The following ENTREP2 variants were observed in gnomAD, a reference collection of about 807,000 sequenced individuals.
ENTREP2 encodes the protein protein ENTREP2.
the ENTREP2 span, among the ~76,000 whole-genome samples, chr15:29,172,407 A>G: frequency 1.3e-5 from 2 of 152,196 alleles, no homozygotes; most frequent in East Asian, 1.9e-4. Flanking sequence ...TCAGACAGGA[A>G]GGGAAGAGTG....
At chr15:29,622,352 C>T in the ENTREP2 span, among the ~76,000 whole-genome samples, 78 of 152,046 alleles carry the variant, frequency 5.1e-4, no homozygotes, top group Middle Eastern at 6.8e-3. Context: ...ATTACAGGTG[C>T]CCATGACCAC....
chr15:29,327,467 C>T, the ENTREP2 span, among the ~76,000 whole-genome samples: 4 of 151,724 alleles, frequency 2.6e-5, no homozygotes, highest in Non-Finnish European at 4.4e-5. Flanking sequence ...TGCTAGCGGG[C>T]GCCTGTAGTC....
chr15:29,139,952 T>TC, the ENTREP2 span, among the ~76,000 whole-genome samples: 1 of 152,184 alleles, frequency 6.6e-6, no homozygotes, highest in African/African-American at 2.4e-5. Context: ...CTTCCCAGGC[T>TC]GCCGTGCCTG....
the ENTREP2 span, among the ~76,000 whole-genome samples, chr15:29,202,683 T>C: frequency 1.9e-3 from 293 of 152,294 alleles, 1 homozygote; most frequent in African/African-American, 6.6e-3. Context: ...CCCCTCCCTG[T>C]GTCCATGTGT....
the ENTREP2 span, among the ~76,000 whole-genome samples, chr15:29,643,256 C>A: frequency 6.6e-6 from 1 of 152,142 alleles, no homozygotes; most frequent in Non-Finnish European, 1.5e-5. Flanking sequence ...AAAATATTTG[C>A]AAATTATCCT....
chr15:29,293,201 G>C, the ENTREP2 span, among the ~76,000 whole-genome samples: 1 of 152,104 alleles, frequency 6.6e-6, no homozygotes, highest in Non-Finnish European at 1.5e-5. Context: ...TTTTTGGGTT[G>C]TAAGTGATAG....
the ENTREP2 span, among the ~76,000 whole-genome samples, chr15:29,611,503 A>G: frequency 6.6e-6 from 1 of 152,104 alleles, no homozygotes; most frequent in Admixed American, 6.6e-5. Flanking sequence ...CTGGGAGTCA[A>G]GACCCTCCAC....
At chr15:29,206,927 A>G in the ENTREP2 span, among the ~76,000 whole-genome samples, 1 of 152,176 alleles carries the variant, frequency 6.6e-6, no homozygotes, top group Admixed American at 6.5e-5. Flanking sequence ...TGTCACCAAC[A>G]TCGACAGTTT....
chr15:29,585,855 C>CAAAAAA, the ENTREP2 span, among the ~76,000 whole-genome samples: 1 of 110,874 alleles, frequency 9.0e-6, no homozygotes, highest in African/African-American at 3.8e-5. Flanking sequence ...GACTCTGTCT[C>CAAAAAA]AAAAAAAAAA....
At chr15:29,620,123 G>A in the ENTREP2 span, among the ~76,000 whole-genome samples, 4 of 152,114 alleles carry the variant, frequency 2.6e-5, no homozygotes, top group African/African-American at 9.7e-5. Flanking sequence ...TTCTGTGCCT[G>A]GTCAGCTGTG....
chr15:29,474,978 T>C, the ENTREP2 span, among the ~76,000 whole-genome samples: 2 of 152,248 alleles, frequency 1.3e-5, no homozygotes, highest in African/African-American at 2.4e-5. Context: ...CACCTCCTTA[T>C]ATAAGGCAAA....
chr15:29,574,478 G>A, the ENTREP2 span, among the ~76,000 whole-genome samples: 1 of 152,094 alleles, frequency 6.6e-6, no homozygotes, highest in Non-Finnish European at 1.5e-5. Flanking sequence ...ATTTTTAGTA[G>A]AGACAAGGTT....
chr15:29,606,353 G>C, the ENTREP2 span, among the ~76,000 whole-genome samples: 1 of 151,262 alleles, frequency 6.6e-6, no homozygotes, highest in East Asian at 2.0e-4. Flanking sequence ...TCCTGCCTCA[G>C]CCTCCAGAGT....
At chr15:29,552,509 G>A in the ENTREP2 span, among the ~76,000 whole-genome samples, 8 of 152,002 alleles carry the variant, frequency 5.3e-5, no homozygotes, top group Non-Finnish European at 8.8e-5. Flanking sequence ...CAAGGTGGGA[G>A]GATCACTTGA....
the ENTREP2 span, among the ~76,000 whole-genome samples, chr15:29,546,295 C>T: frequency 3.3e-5 from 5 of 152,138 alleles, no homozygotes; most frequent in Admixed American, 6.5e-5. Context: ...GAAACATCTG[C>T]AGACCCTGAG....
chr15:29,252,885 C>T, the ENTREP2 span, among the ~76,000 whole-genome samples: 1 of 152,114 alleles, frequency 6.6e-6, no homozygotes, highest in South Asian at 2.1e-4. Context: ...CATACACATG[C>T]AAAACCAAAG....
chr15:29,200,456 G>A, the ENTREP2 span, among the ~76,000 whole-genome samples: 2 of 152,134 alleles, frequency 1.3e-5, no homozygotes, highest in African/African-American at 4.8e-5. Flanking sequence ...GTGTACAGGC[G>A]TGAGCCACCA....
the ENTREP2 span, among the ~76,000 whole-genome samples, chr15:29,316,292 G>A: frequency 6.6e-6 from 1 of 152,060 alleles, no homozygotes; most frequent in Non-Finnish European, 1.5e-5. Flanking sequence ...GGATAATCAA[G>A]AGACATGGGA....
At chr15:29,186,948 G>A in the ENTREP2 span, among the ~76,000 whole-genome samples, 5 of 152,310 alleles carry the variant, frequency 3.3e-5, no homozygotes, top group African/African-American at 1.2e-4. Context: ...TGAGGTATGT[G>A]TATACATGGC....
Sources: allele counts gnomAD v4.1 joint callset (sites outside exome capture counted in the v4.1 genomes callset), GRCh38; gene constraint gnomAD v4.1.1; transcripts MANE v1.5; gene names NCBI Gene and HGNC (gene_info 2026-07-23, HGNC 2026-07-21).